SYNE2: variants seen among roughly 807,000 people sequenced by gnomAD.
SYNE2 encodes the protein spectrin repeat containing nuclear envelope protein 2.
Under a neutral mutation model 856.3 loss-of-function variants are expected in SYNE2, and 431 were observed. That is an observed-to-expected ratio of 0.50 (90% CI 0.47 to 0.55). The LOEUF (loss-of-function observed/expected upper bound fraction) is 0.55. SYNE2 is among the 20% of genes least tolerant of loss of function. The pLI is 0.00. For synonymous variants in SYNE2, 2,923 were observed against 2,872.3 expected (o/e 1.02, Z -0.56); for missense variants, 8,129 against 8,023.2 (o/e 1.01, Z -0.50).
chr14:64,100,561 T>G (rs1269948588), intron 63 of SYNE2, among the ~76,000 whole-genome samples: 1 of 129,072 alleles, frequency 7.7e-6, no homozygotes, highest in East Asian at 2.2e-4. Context: ...TATATATATA[T>G]ATATATATAT....
intron 57 of SYNE2, chr14:64,084,676 C>T (rs192651303): frequency 3.0e-6 from 1 of 338,340 alleles, no homozygotes; most frequent in East Asian, 4.7e-5. Flanking sequence ...ATTTGGGTTG[C>T]TTCCAGTTTT....
chr14:63,801,285 G>A (rs1182062040), intron 1 of SYNE2, among the ~76,000 whole-genome samples: 1 of 152,090 alleles, frequency 6.6e-6, no homozygotes, highest in Admixed American at 6.5e-5. Flanking sequence ...TGGGTGATGG[G>A]TGCACCAGAT....
rs2098428825 is a variant in SYNE2 at position 64,175,277 on chromosome 14, GC to G, written c.17430+141del. ...ACTCAAGCTGTAATCTGTAAGTCAT[GC>G]CAGTTACTTAATGTGAAATGATGAT... is the stretch of plus-strand genomic sequence containing the variant. On this transcript the variant is annotated intron_variant, in intron 95 of 115. Transcript: ENST00000555002. 3.3e-6 allele frequency: 3 copies of G among 910,574 alleles called. No individual in the cohort carries two copies. The Admixed American group carries it at 6.9e-5, about 21-fold the overall frequency. The allele number at this position is 910,574 out of a possible 1,614,324, so 56.4% of individuals were successfully genotyped here.
rs1013582968 is a variant in SYNE2, at chr14:63,992,260, T to A, written c.2646+1145T>A. Among the ~76,000 whole-genome samples, 18 of 150,650 alleles carry A rather than the reference T, an allele frequency of 1.2e-4. 1 individual carries two copies. The highest frequency in any genetic ancestry group is 2.4e-4 in the Non-Finnish European group (16 of 67,742). On this transcript the variant is annotated intron_variant, in intron 21 of 115. Coordinates refer to ENST00000555002, the MANE Select transcript of SYNE2 (RefSeq NM_182914.3). Reference sequence around the variant, plus strand: ...AGAGAAGGAAAAAAAAAATAGAGGGTCCTAGTCTCCCTCTTTGAATTTTTA... The same window carrying A: ...AGAGAAGGAAAAAAAAAATAGAGGGACCTAGTCTCCCTCTTTGAATTTTTA...
intron 64 of SYNE2, among the ~76,000 whole-genome samples, chr14:64,106,576 G>T (rs1357096671): frequency 6.6e-6 from 1 of 152,158 alleles, no homozygotes. Context: ...GTGAACCCAG[G>T]AGGCGGAGCT....
At chr14:63,990,735 A>G (rs778503736) in intron 20 of SYNE2, among the ~76,000 whole-genome samples, 166 bp downstream of exon 20, 3 of 152,200 alleles carry the variant, frequency 2.0e-5, no homozygotes, top group African/African-American at 4.8e-5. Context: ...ATCAGAAAAT[A>G]TAAGTATCAT....
chr14:64,057,299 T>G (rs2097279677), intron 49 of SYNE2, among the ~76,000 whole-genome samples: 1 of 152,144 alleles, frequency 6.6e-6, no homozygotes, highest in Non-Finnish European at 1.5e-5. Flanking sequence ...CTGGTAACCA[T>G]CCTACTACTC....
chr14:64,150,406 C>T (rs554385513), intron 84 of SYNE2, among the ~76,000 whole-genome samples: 7 of 147,566 alleles, frequency 4.7e-5, no homozygotes, highest in African/African-American at 7.4e-5. Flanking sequence ...TTTTTTGTAA[C>T]GGCAGAGTTT....
At chr14:64,042,409 T>C (rs1216592790) in intron 45 of SYNE2, among the ~76,000 whole-genome samples, 2 of 152,204 alleles carry the variant, frequency 1.3e-5, no homozygotes, top group Non-Finnish European at 2.9e-5. Flanking sequence ...TACAGAAAAT[T>C]ATATCACTTT....
intron 1 of SYNE2, among the ~76,000 whole-genome samples, chr14:63,837,918 CAAAAAAAAAAAA>C (rs34952817): frequency 3.2e-5 from 2 of 62,194 alleles, no homozygotes; most frequent in Non-Finnish European, 5.5e-5. Flanking sequence ...GACTCTGTTT[CAAAAAAAAAAAA>C]AAAAAAAAAA....
rs760936547 is a variant in SYNE2, at chr14:64,225,504, C to A, written c.20702C>A (p.Thr6901Asn). ...ARSFYPMLRYTNGPPPT is the reference protein window; with the variant it reads ...ARSFYPMLRYNNGPPPT ...TCCTTTTACCCCATGCTGAGGTACA[C>A]CAATGGGCCACCCCCCACATAGAGG... The change falls in exon 116 of 116, where the codon ACC becomes AAC. Residue 6901 changes from threonine to asparagine, a missense_variant. By Grantham distance (65) the Thr-to-Asn change is moderately conservative (BLOSUM62 0). This residue lies in a region of SYNE2 where 5,410 missense variants were observed against 5,284.8 expected (regional missense o/e 1.02). Transcript: ENST00000555002. The A allele has an allele frequency of 6.9e-5, 112 of 1,614,022 alleles. No individual in the cohort carries two copies. Among genetic ancestry groups the A allele is most frequent in the Non-Finnish European group, 8.8e-5 (104 of 1,180,002 alleles).
At chr14:63,904,451 C>T (rs79527585) in intron 1 of SYNE2, among the ~76,000 whole-genome samples, 2,216 of 152,046 alleles carry the variant, frequency 0.015, 48 homozygotes, top group African/African-American at 0.05. Flanking sequence ...AGTTTATAAG[C>T]GCTCTTTTCT....
In SYNE2 at chr14:64,113,437, G is replaced by A; in HGVS notation, c.12706G>A (p.Glu4236Lys). 1 of 1,614,202 alleles carries A rather than the reference G, an allele frequency of 6.2e-7. No homozygotes were observed. Among genetic ancestry groups the A allele is most frequent in the Non-Finnish European group, 8.5e-7 (1 of 1,180,042 alleles). The stretch of plus-strand genomic sequence containing the variant: ...GGAGAAAACTAGGCCGGAGCCCACA[G>A]AAGTCCTGCATGCCTGCAAGACCCA... ...RVEKTRPEPT[E>K]VLHACKTQVA... Residue 4236 changes from glutamate to lysine, a missense_variant, in exon 66 of 116, where the codon GAA (glutamate) becomes AAA (lysine). Around this residue, in one of 3 missense-constraint regions of SYNE2, gnomAD observed 5,410 missense variants for 5,284.8 expected, o/e 1.02. Coordinates refer to ENST00000555002, the MANE Select transcript of SYNE2 (RefSeq NM_182914.3).
intron 89 of SYNE2, among the ~76,000 whole-genome samples, chr14:64,164,965 G>T (rs1194489064): frequency 2.0e-5 from 3 of 151,892 alleles, no homozygotes; most frequent in Admixed American, 1.3e-4. Flanking sequence ...ACAGCTTACT[G>T]CAGCCTTGAC....
chr14:63,889,779 G>C (rs779284381), intron 1 of SYNE2, among the ~76,000 whole-genome samples: 1 of 152,030 alleles, frequency 6.6e-6, no homozygotes, highest in South Asian at 2.1e-4. Flanking sequence ...TGCCCGGCCC[G>C]TACTGCAGTA....
chr14:64,208,997 A>G lies in SYNE2; in HGVS notation c.18389+52A>G, dbSNP rs906995491. The G allele has an allele frequency of 1.9e-6, 3 of 1,585,574 alleles. No homozygotes were observed. The African/African-American group carries it at 4.0e-5, about 21-fold the overall frequency. Reference sequence around the variant, plus strand: ...TTCAGCGTGGTCAGCCGAACTCAATACACCCTTCTGACCTCATTCACAGTA... The same window carrying G: ...TTCAGCGTGGTCAGCCGAACTCAATGCACCCTTCTGACCTCATTCACAGTA... On this transcript the variant is annotated intron_variant, in intron 101 of 115. Coordinates refer to ENST00000555002, the MANE Select transcript of SYNE2 (RefSeq NM_182914.3).
chr14:64,188,806 T>C (rs957408338), intron 98 of SYNE2, 98 bp downstream of exon 98: 6 of 1,295,484 alleles, frequency 4.6e-6, no homozygotes, highest in Non-Finnish European at 6.6e-6. Context: ...TACGGGTGTT[T>C]CCAGTAGCAT....
intron 1 of SYNE2, among the ~76,000 whole-genome samples, chr14:63,796,503 A>G (rs758633885): frequency 4.9e-4 from 74 of 152,138 alleles, no homozygotes; most frequent in Non-Finnish European, 1.2e-4. Flanking sequence ...TTGATAAAGA[A>G]GAATCATTCA....
chr14:64,066,509 A>C (rs914230512), intron 51 of SYNE2, among the ~76,000 whole-genome samples: 5 of 152,200 alleles, frequency 3.3e-5, no homozygotes, highest in Non-Finnish European at 7.3e-5. Flanking sequence ...TCTCAAAAAC[A>C]AACAAACAAA....
Sources: allele counts gnomAD v4.1 joint callset (sites outside exome capture counted in the v4.1 genomes callset), GRCh38; gene constraint gnomAD v4.1.1; regional missense constraint gnomAD v4.1.1; transcripts MANE v1.5; gene names NCBI Gene and HGNC (gene_info 2026-07-23, HGNC 2026-07-21).